LMX1A: variants seen among roughly 807,000 people sequenced by gnomAD.
LMX1A encodes the protein LIM homeobox transcription factor 1-alpha.
Under a neutral mutation model 49.1 loss-of-function variants are expected in LMX1A, and 15 were observed. The observed-to-expected ratio is 0.31, with a 90% CI of 0.20 to 0.47. The LOEUF is 0.47. Ranked by LOEUF, LMX1A falls within the 20% of genes least tolerant of loss-of-function variation. The pLI, the probability that LMX1A is intolerant of heterozygous loss-of-function variation, is 1.00. For missense variants in LMX1A, 372 were observed against 475.8 expected (o/e 0.78, Z 2.03); for synonymous variants, 167 against 185.7 (o/e 0.90, Z 0.82).
chr1:165,207,820 C>A (rs1281215541), intron 7 of LMX1A, among the ~76,000 whole-genome samples: 2 of 152,196 alleles, frequency 1.3e-5, no homozygotes, highest in African/African-American at 4.8e-5. Flanking sequence ...CAGGCCTGGA[C>A]GCTGTGGATA....
At chr1:165,261,317 C>T (rs1653432062) in intron 3 of LMX1A, among the ~76,000 whole-genome samples, 2 of 152,268 alleles carry the variant, frequency 1.3e-5, no homozygotes, top group South Asian at 4.1e-4. Context: ...TCCATTTCAA[C>T]TCTCCTTCCA....
rs533061660 is a variant in LMX1A at position 165,353,010 on chromosome 1, G to C, written c.263+66C>G. 3,631 of 1,531,160 alleles carry C rather than the reference G, an allele frequency of 2.4e-3. 8 individuals are homozygous for C. The highest frequency in any genetic ancestry group is 2.8e-3 in the Non-Finnish European group (3,168 of 1,112,568). 94.8% of individuals were successfully genotyped at this position (1,531,160 alleles called of 1,614,324 possible). On this transcript the variant is annotated intron_variant, in intron 3 of 8. Coordinates refer to ENST00000342310, the MANE Select transcript of LMX1A (RefSeq NM_177398.4). Reference sequence around the variant, plus strand: ...TCCAGAAAAGGACTAGGGTAAAGGAGGACAAAGTCCTCGACGCACACTGAT... The same window carrying C: ...TCCAGAAAAGGACTAGGGTAAAGGACGACAAAGTCCTCGACGCACACTGAT...
intron 3 of LMX1A, among the ~76,000 whole-genome samples, chr1:165,251,972 C>T (rs1242586521): frequency 1.3e-5 from 2 of 152,102 alleles, no homozygotes; most frequent in African/African-American, 4.8e-5. Flanking sequence ...GGTTGTTTAG[C>T]CCGCCCCTTC....
At position 165,206,026 on chromosome 1, in the gene LMX1A, T is replaced by G. The variant is rs755559992; in HGVS notation, c.826A>C (p.Asn276His). The G allele has an allele frequency of 1.3e-6, 2 of 1,554,788 alleles. No homozygotes were observed. The highest frequency in any genetic ancestry group is 2.4e-5 in the South Asian group (2 of 81,912). ...TCCATCCCAGCACTCCCACCACCGT[T>G]TGTCTGAGCTGTGGAACAAAGAAGA... ...NTQRLSSAQT[N>H]GGGSAGMEGI... The change falls in exon 8 of 9, where the codon AAC becomes CAC. Residue 276 changes from asparagine (N) to histidine (H), a missense_variant. By Grantham distance (68) the Asn-to-His change is moderately conservative. Transcript: ENST00000342310.
At chr1:165,316,417 C>A (rs932799501) in intron 3 of LMX1A, among the ~76,000 whole-genome samples, 3 of 152,134 alleles carry the variant, frequency 2.0e-5, no homozygotes, top group African/African-American at 7.2e-5. Context: ...ACCACGGTCA[C>A]TTTGAGGACT....
chr1:165,223,828 A>G (rs1194509028), intron 4 of LMX1A, among the ~76,000 whole-genome samples: 2 of 150,788 alleles, frequency 1.3e-5, no homozygotes, highest in Non-Finnish European at 3.0e-5. Flanking sequence ...AAAAAAAACT[A>G]GTGTACTACA....
At chr1:165,249,947 G>A (rs1652996808) in intron 3 of LMX1A, among the ~76,000 whole-genome samples, 1 of 152,126 alleles carries the variant, frequency 6.6e-6, no homozygotes, top group Non-Finnish European at 1.5e-5. Flanking sequence ...GATTGGAACT[G>A]GAAGCTATTA....
chr1:165,236,777 T>TA (rs148213408), intron 4 of LMX1A, among the ~76,000 whole-genome samples: 62 of 144,548 alleles, frequency 4.3e-4, no homozygotes, highest in African/African-American at 1.5e-3. Context: ...TAGGAAGCTT[T>TA]AAAAAAAAAA....
chr1:165,345,087 G>C (rs952856283), intron 3 of LMX1A, among the ~76,000 whole-genome samples: 1 of 152,220 alleles, frequency 6.6e-6, no homozygotes, highest in Non-Finnish European at 1.5e-5. Flanking sequence ...ATATGGTTTG[G>C]GGGGATAGTC....
chr1:165,265,512 C>T (rs1653595325), intron 3 of LMX1A, among the ~76,000 whole-genome samples: 2 of 152,184 alleles, frequency 1.3e-5, no homozygotes, highest in Non-Finnish European at 2.9e-5. Flanking sequence ...CTGCCCCAGA[C>T]ATCCAGGAAG....
chr1:165,350,407 G>T (rs1006897329), intron 3 of LMX1A, among the ~76,000 whole-genome samples: 1 of 152,180 alleles, frequency 6.6e-6, no homozygotes, highest in African/African-American at 2.4e-5. Flanking sequence ...GATGCAAAAA[G>T]TGTTGAGCTA....
rs150097091 is a variant in LMX1A, at chr1:165,209,451, T to C, written c.747+1248A>G. On this transcript the variant is annotated intron_variant, in intron 6 of 8. Transcript: ENST00000342310. Reference sequence around the variant, plus strand: ...GAAAGACCCAGGTATGATTAGATGGTTGGAACATTCAGCCCCACCCCCAAA... The same window carrying C: ...GAAAGACCCAGGTATGATTAGATGGCTGGAACATTCAGCCCCACCCCCAAA... Among the ~76,000 whole-genome samples, 998 of 152,234 alleles carry C rather than the reference T, an allele frequency of 6.6e-3. 9 individuals carry two copies. The highest frequency in any genetic ancestry group is 0.022 in the African/African-American group (923 of 41,546).
At chr1:165,269,163 G>A (rs1653712936) in intron 3 of LMX1A, among the ~76,000 whole-genome samples, 1 of 152,206 alleles carries the variant, frequency 6.6e-6, no homozygotes, top group Non-Finnish European at 1.5e-5. Context: ...AACGAGCTTA[G>A]ACTCTCAATT....
intron 3 of LMX1A, among the ~76,000 whole-genome samples, chr1:165,311,491 G>A (rs1449700703): frequency 6.6e-6 from 1 of 152,200 alleles, no homozygotes; most frequent in South Asian, 2.1e-4. Flanking sequence ...GCTGTCGGCT[G>A]TGGAGGCCCA....
chr1:165,337,478 C>A (rs979395712), intron 3 of LMX1A, among the ~76,000 whole-genome samples: 11 of 152,284 alleles, frequency 7.2e-5, no homozygotes, highest in Middle Eastern at 3.4e-3. Flanking sequence ...AGAAAGGATT[C>A]TTGAAATCTG....
chr1:165,217,443 T>A (rs1651682666), intron 4 of LMX1A, among the ~76,000 whole-genome samples: 1 of 151,970 alleles, frequency 6.6e-6, no homozygotes, highest in South Asian at 2.1e-4. Context: ...TTAGGGGAGG[T>A]GGTGAGCACC....
chr1:165,344,234 T>C (rs891280574), intron 3 of LMX1A, among the ~76,000 whole-genome samples: 14 of 152,208 alleles, frequency 9.2e-5, no homozygotes, highest in Non-Finnish European at 2.1e-4. Context: ...CCCTTCTGGG[T>C]TTCCAGAGTC....
intron 4 of LMX1A, 28 bp downstream of exon 4, chr1:165,249,380 G>T (rs377740848): frequency 1.3e-6 from 2 of 1,542,296 alleles, no homozygotes; most frequent in South Asian, 2.2e-5. Context: ...CCACCCCACC[G>T]CAGCCCTGCC....
intron 4 of LMX1A, among the ~76,000 whole-genome samples, chr1:165,236,851 A>AG (rs1652466149): frequency 3.2e-5 from 1 of 31,550 alleles, no homozygotes; most frequent in Non-Finnish European, 5.3e-5. Context: ...AGGAGTTCAA[A>AG]GTTTTTTTTT....
Sources: allele counts gnomAD v4.1 joint callset (sites outside exome capture counted in the v4.1 genomes callset), GRCh38; gene constraint gnomAD v4.1.1; transcripts MANE v1.5; gene names NCBI Gene and HGNC (gene_info 2026-07-23, HGNC 2026-07-21).